Variants in HOMER1 observed in about 807,000 individuals in gnomAD.
HOMER1 encodes homer scaffold protein 1.
HOMER1 carries 3 observed loss-of-function variants against 48.9 expected under a neutral mutation model. That is an observed-to-expected ratio of 0.06 (90% CI 0.03 to 0.16). HOMER1 has a LOEUF of 0.16. Among genes scored for constraint, HOMER1 ranks in the 10% least tolerant of loss-of-function variants. The pLI is 1.00. For missense variants in HOMER1, 247 were observed against 411.4 expected (o/e 0.60, Z 3.46); for synonymous variants, 134 against 146.4 (o/e 0.92, Z 0.61).
intron 1 of HOMER1, among the ~76,000 whole-genome samples, chr5:79,462,199 C>G (rs1270868867): frequency 6.6e-6 from 1 of 152,152 alleles, no homozygotes; most frequent in Non-Finnish European, 1.5e-5. Context: ...GACTCCATCT[C>G]AAAAACAAAC....
intron 1 of HOMER1, among the ~76,000 whole-genome samples, chr5:79,473,475 T>C (rs1349753839): frequency 6.6e-6 from 1 of 152,238 alleles, no homozygotes; most frequent in Non-Finnish European, 1.5e-5. Context: ...TTCCACAATA[T>C]TCAAATGGAT....
chr5:79,505,805 C>G (rs535951763), intron 1 of HOMER1, among the ~76,000 whole-genome samples: 1 of 152,006 alleles, frequency 6.6e-6, no homozygotes, highest in Non-Finnish European at 1.5e-5. Context: ...AGACAGAAAA[C>G]AATGACTTTT....
chr5:79,469,119 T>C (rs1286322909), intron 1 of HOMER1, among the ~76,000 whole-genome samples: 2 of 152,204 alleles, frequency 1.3e-5, no homozygotes, highest in African/African-American at 4.8e-5. Flanking sequence ...GGTTCTATTT[T>C]TCCATACCAA....
intron 5 of HOMER1, among the ~76,000 whole-genome samples, chr5:79,417,287 G>C (rs909006826): frequency 4.0e-5 from 6 of 151,894 alleles, no homozygotes; most frequent in South Asian, 2.1e-4. Context: ...GGACTACAGG[G>C]GCCTGCCACC....
intron 5 of HOMER1, among the ~76,000 whole-genome samples, chr5:79,433,279 T>G (rs531830238): frequency 4.5e-4 from 68 of 152,274 alleles, no homozygotes; most frequent in Non-Finnish European, 8.2e-4. Flanking sequence ...ATATTTAAGA[T>G]CAGGGCTGGG....
intron 1 of HOMER1, among the ~76,000 whole-genome samples, chr5:79,499,712 GA>G (rs1752523243): frequency 6.6e-6 from 1 of 152,048 alleles, no homozygotes; most frequent in East Asian, 1.9e-4. Flanking sequence ...GGCACATCTA[GA>G]AAAATGCAAA....
intron 8 of HOMER1, among the ~76,000 whole-genome samples, chr5:79,390,724 CAAATA>C (rs1200323213): frequency 6.6e-6 from 1 of 151,876 alleles, no homozygotes; most frequent in Non-Finnish European, 1.5e-5. Context: ...AGAAATTATA[CAAATA>C]AAACACTGTG....
At chr5:79,443,471 G>A (rs1458781932) in intron 4 of HOMER1, among the ~76,000 whole-genome samples, 1 of 152,140 alleles carries the variant, frequency 6.6e-6, no homozygotes, top group African/African-American at 2.4e-5. Flanking sequence ...AGGGAATTCT[G>A]ATGCAGAATT....
intron 8 of HOMER1, among the ~76,000 whole-genome samples, chr5:79,393,176 C>T (rs1749297592): frequency 6.6e-6 from 1 of 151,820 alleles, no homozygotes; most frequent in Non-Finnish European, 1.5e-5. Flanking sequence ...TCCCAAAAAC[C>T]TATTGAAATA....
At chr5:79,421,011 C>T (rs1442524455) in intron 5 of HOMER1, among the ~76,000 whole-genome samples, 5 of 152,152 alleles carry the variant, frequency 3.3e-5, no homozygotes, top group Admixed American at 1.3e-4. Flanking sequence ...TATATGTATA[C>T]AACATGCCTA....
intron 4 of HOMER1, among the ~76,000 whole-genome samples, chr5:79,440,784 G>A (rs1226629039): frequency 6.6e-6 from 1 of 152,182 alleles, no homozygotes; most frequent in Non-Finnish European, 1.5e-5. Context: ...GACAGGCCAA[G>A]CCAAACTAAA....
chr5:79,395,449 A>G (rs1749355935), intron 8 of HOMER1, among the ~76,000 whole-genome samples: 2 of 152,194 alleles, frequency 1.3e-5, no homozygotes, highest in African/African-American at 2.4e-5. Flanking sequence ...GTTTGCACAC[A>G]TTGCTAAATG....
At chr5:79,408,166 T>A (rs1749716441) in intron 5 of HOMER1, among the ~76,000 whole-genome samples, 2 of 152,042 alleles carry the variant, frequency 1.3e-5, no homozygotes, top group South Asian at 4.2e-4. Flanking sequence ...CCACTGGGAG[T>A]ATGCAATATA....
At chr5:79,429,065 A>G (rs1251187850) in intron 5 of HOMER1, among the ~76,000 whole-genome samples, 1 of 152,252 alleles carries the variant, frequency 6.6e-6, no homozygotes, top group East Asian at 1.9e-4. Flanking sequence ...ACAAAGATAC[A>G]TTAATTAAGA....
chr5:79,451,152 C>A, intron 2 of HOMER1, 31 bp from the exon 3 acceptor site: 1 of 1,599,102 alleles, frequency 6.3e-7, no homozygotes, highest in Non-Finnish European at 8.5e-7. Context: ...GAGCAACCAG[C>A]AAAAAATCAG....
chr5:79,510,855 G>C (rs1752923155), intron 1 of HOMER1: 1 of 711,002 alleles, frequency 1.4e-6, no homozygotes, highest in South Asian at 1.5e-5. Context: ...TTCCAGCTCA[G>C]GCTCCCAAAG....
chr5:79,408,397 TAAAG>T (rs1388165464), intron 5 of HOMER1, among the ~76,000 whole-genome samples: 1 of 152,044 alleles, frequency 6.6e-6, no homozygotes, highest in African/African-American at 2.4e-5. Flanking sequence ...CAAGAAATAT[TAAAG>T]AAAGTTCTTT....
chr5:79,495,066 T>C (rs1228410894), intron 1 of HOMER1, among the ~76,000 whole-genome samples: 3 of 152,182 alleles, frequency 2.0e-5, no homozygotes, highest in South Asian at 4.1e-4. Flanking sequence ...ACATTAAATA[T>C]CTATATATAT....
intron 8 of HOMER1, among the ~76,000 whole-genome samples, chr5:79,393,498 T>C (rs145146739): frequency 2.6e-5 from 4 of 152,288 alleles, no homozygotes; most frequent in Non-Finnish European, 4.4e-5. Context: ...ATGTGAAAAA[T>C]TGTTCAATGT....
Sources: gnomAD v4.1 joint callset for allele counts (sites outside exome capture counted in the v4.1 genomes callset) on GRCh38, gnomAD v4.1.1 for gene constraint, MANE v1.5 for transcripts, NCBI Gene and HGNC (gene_info 2026-07-23, HGNC 2026-07-21) for gene names.